HECW2: variants seen among roughly 807,000 people sequenced by gnomAD.
HECW2 encodes the protein HECT, C2 and WW domain containing E3 ubiquitin protein ligase 2.
A neutral mutation model predicts 175.2 loss-of-function variants in HECW2; 61 were observed. The observed-to-expected ratio is 0.35, with a 90% CI of 0.28 to 0.43. HECW2 has a LOEUF of 0.43. Among genes scored for constraint, HECW2 ranks in the 20% least tolerant of loss-of-function variants. The probability of loss-of-function intolerance (pLI) is 1.00; values close to 1 mark genes in which losing one functional copy is unlikely to be tolerated. For synonymous variants in HECW2, 671 were observed against 731.0 expected (o/e 0.92, Z 1.32); for missense variants, 1,524 against 2,000.5 (o/e 0.76, Z 4.54).
Position 196,235,957 on chromosome 2 carries a change from G to A in HECW2, c.3764+4492C>T, listed in dbSNP as rs182878177. ...CAGGCATGAGCCACTGTGCCCGGCC[G>A]ATGCGTTATTCTTTAAAATAAACTC... On this transcript the variant is annotated intron_variant, in intron 21 of 28. Coordinates refer to ENST00000644978, the MANE Select transcript of HECW2 (RefSeq NM_001348768.2). Among the ~76,000 whole-genome samples the A allele has an allele frequency of 1.8e-3, 268 of 152,034 alleles. 2 individuals are homozygous for A. Among genetic ancestry groups the A allele is most frequent in the African/African-American group, 5.5e-3 (229 of 41,488 alleles).
At chr2:196,366,170 C>T (rs1275427959) in intron 2 of HECW2, among the ~76,000 whole-genome samples, 1 of 152,218 alleles carries the variant, frequency 6.6e-6, no homozygotes, top group East Asian at 1.9e-4. Context: ...GGGAGCACCA[C>T]AGCAAGGCTG....
intron 14 of HECW2, among the ~76,000 whole-genome samples, chr2:196,281,929 C>G (rs540147523): frequency 5.1e-4 from 78 of 152,260 alleles, no homozygotes; most frequent in African/African-American, 1.8e-3. Flanking sequence ...GTTTCTTTTC[C>G]TGTTAAATGG....
intron 14 of HECW2, among the ~76,000 whole-genome samples, chr2:196,287,511 T>A (rs1238035183): frequency 2.0e-5 from 3 of 152,132 alleles, no homozygotes; most frequent in Non-Finnish European, 4.4e-5. Flanking sequence ...CAGGGGGAAA[T>A]AGTCCGTATT....
At chr2:196,269,547 T>A (rs13405228) in intron 17 of HECW2, 38,220 of 140,336 alleles carry the variant, frequency 0.27, 5,570 homozygotes, top group African/African-American at 0.38. Context: ...ATATCGTGAG[T>A]ATATTTGGTA....
intron 1 of HECW2, among the ~76,000 whole-genome samples, chr2:196,473,757 AAG>A (rs1697308729): frequency 6.6e-6 from 1 of 152,230 alleles, no homozygotes; most frequent in African/African-American, 2.4e-5. Context: ...TTGCTTGAAA[AAG>A]ATAATAAATC....
At chr2:196,364,264 G>A (rs777384103) in intron 2 of HECW2, among the ~76,000 whole-genome samples, 10 of 152,098 alleles carry the variant, frequency 6.6e-5, no homozygotes, top group African/African-American at 9.7e-5. Context: ...TTTCCTATAT[G>A]GAGAAAACCT....
chr2:196,263,693 T>C (rs908157533), intron 17 of HECW2: 10 of 152,234 alleles, frequency 6.6e-5, no homozygotes, highest in African/African-American at 2.2e-4. Flanking sequence ...AAGTCCATTA[T>C]GGTCATACGA....
intron 2 of HECW2, among the ~76,000 whole-genome samples, chr2:196,367,368 G>T (rs1285258870): frequency 1.3e-5 from 2 of 152,130 alleles, no homozygotes; most frequent in East Asian, 3.8e-4. Flanking sequence ...TGGGTACATG[G>T]TAGGTGCCTA....
intron 2 of HECW2, among the ~76,000 whole-genome samples, chr2:196,382,853 T>C (rs889148323): frequency 6.6e-6 from 1 of 152,186 alleles, no homozygotes; most frequent in African/African-American, 2.4e-5. Flanking sequence ...AAAAATGATA[T>C]TGCAAATGGT....
chr2:196,210,119 C>T (rs371009575), intron 28 of HECW2, among the ~76,000 whole-genome samples: 1 of 152,098 alleles, frequency 6.6e-6, no homozygotes, highest in Non-Finnish European at 1.5e-5. Context: ...GGTTATTTTC[C>T]GGTATACTGG....
At chr2:196,261,868 A>C (rs766086282) in intron 17 of HECW2, among the ~76,000 whole-genome samples, 3 of 152,242 alleles carry the variant, frequency 2.0e-5, no homozygotes, top group Non-Finnish European at 2.9e-5. Context: ...TTTTCCTTTT[A>C]GAGTGGAAAA....
chr2:196,339,757 C>G (rs1042760017), intron 3 of HECW2, among the ~76,000 whole-genome samples: 3 of 152,234 alleles, frequency 2.0e-5, no homozygotes, highest in Non-Finnish European at 4.4e-5. Flanking sequence ...CAAATGCATA[C>G]TGCACAAATG....
At chr2:196,393,810 C>A (rs1414671910) in intron 2 of HECW2, among the ~76,000 whole-genome samples, 2 of 152,148 alleles carry the variant, frequency 1.3e-5, no homozygotes, top group Non-Finnish European at 2.9e-5. Context: ...TGGGTATATA[C>A]CCAAAGGATG....
At chr2:196,278,415 CAAAAAAAAA>C in intron 15 of HECW2, 104 bp downstream of exon 15, 2 of 943,224 alleles carry the variant, frequency 2.1e-6, no homozygotes, top group Non-Finnish European at 2.9e-6. Flanking sequence ...AAATCAAACT[CAAAAAAAAA>C]AAAAAGAAAA....
chr2:196,394,756 A>G (rs1012367138), intron 2 of HECW2, among the ~76,000 whole-genome samples: 3 of 152,240 alleles, frequency 2.0e-5, no homozygotes, highest in African/African-American at 7.2e-5. Context: ...GAAAAGGACA[A>G]TCTTTTGAAC....
At chr2:196,379,379 A>G (rs1694138865) in intron 2 of HECW2, among the ~76,000 whole-genome samples, 2 of 152,288 alleles carry the variant, frequency 1.3e-5, no homozygotes, top group East Asian at 1.9e-4. Flanking sequence ...TTCATTACAC[A>G]GTACACTTAA....
intron 1 of HECW2, among the ~76,000 whole-genome samples, chr2:196,482,489 G>C (rs1440028253): frequency 6.6e-6 from 1 of 152,204 alleles, no homozygotes; most frequent in African/African-American, 2.4e-5. Context: ...ACTGCCAGCT[G>C]GGAGTGGGGA....
intron 21 of HECW2, among the ~76,000 whole-genome samples, chr2:196,232,443 G>A (rs1390027325): frequency 6.6e-6 from 1 of 152,154 alleles, no homozygotes; most frequent in Non-Finnish European, 1.5e-5. Context: ...GATACACAGT[G>A]GGGGCTCAAT....
intron 1 of HECW2, among the ~76,000 whole-genome samples, chr2:196,463,387 C>T (rs975371050): frequency 6.7e-6 from 1 of 149,092 alleles, no homozygotes; most frequent in African/African-American, 2.5e-5. Flanking sequence ...ACACCACCCA[C>T]CACCACCCTC....
Sources: allele counts gnomAD v4.1 joint callset (sites outside exome capture counted in the v4.1 genomes callset), GRCh38; gene constraint gnomAD v4.1.1; transcripts MANE v1.5; gene names NCBI Gene and HGNC (gene_info 2026-07-23, HGNC 2026-07-21).